The following NPAS3 variants were observed in gnomAD, a reference collection of about 807,000 sequenced individuals.
NPAS3 encodes the protein neuronal PAS domain protein 3.
In NPAS3, 14 loss-of-function variants were observed where a neutral mutation model predicts 73.1. The ratio of observed to expected loss-of-function variants is 0.19; its 90% CI spans 0.13 to 0.30. The LOEUF (loss-of-function observed/expected upper bound fraction) is 0.30, where lower values mean the gene tolerates loss of function less well. Ranked by LOEUF, NPAS3 falls within the 10% of genes least tolerant of loss-of-function variation. NPAS3 has a pLI of 1.00. For synonymous variants in NPAS3, 620 were observed against 541.5 expected (o/e 1.14, Z -2.01); for missense variants, 1,096 against 1,250.0 (o/e 0.88, Z 1.86).
rs1414765885 is a variant in NPAS3, at chr14:33,544,804, A to G, written c.469-15317A>G. Among the ~76,000 whole-genome samples the G allele has an allele frequency of 8.9e-5, 7 of 78,736 alleles. 1 individual carries two copies. The South Asian group carries it at 2.4e-3, about 27-fold the overall frequency. The allele number at this position is 78,736 out of a possible 152,430, so 51.7% of individuals were successfully genotyped here. The stretch of plus-strand genomic sequence containing the variant: ...GTGTGTGTATTATATATATATATAT[A>G]TATATATGTATATATAATATATATG... On this transcript the variant is annotated intron_variant, in intron 4 of 11. Coordinates refer to ENST00000356141, the Ensembl canonical transcript of NPAS3.
intron 2 of NPAS3, among the ~76,000 whole-genome samples, chr14:33,130,512 A>G (rs1414581319): frequency 6.6e-6 from 1 of 152,200 alleles, no homozygotes; most frequent in Non-Finnish European, 1.5e-5. Flanking sequence ...TTTCTATGAC[A>G]TCTGAGATTC....
chr14:33,591,517 A>G (rs78678431), intron 5 of NPAS3, among the ~76,000 whole-genome samples: 1,828 of 152,196 alleles, frequency 0.012, 42 homozygotes, highest in African/African-American at 0.042. Context: ...CTACCATCCA[A>G]CCCCTAAAGT....
chr14:33,098,994 G>T (rs1363079906), intron 2 of NPAS3, among the ~76,000 whole-genome samples: 2 of 152,216 alleles, frequency 1.3e-5, no homozygotes, highest in East Asian at 1.9e-4. Flanking sequence ...GCCAATCCTT[G>T]TATCCGTGGA....
chr14:33,224,984 G>A (rs1257186044), intron 3 of NPAS3, among the ~76,000 whole-genome samples: 1 of 152,078 alleles, frequency 6.6e-6, no homozygotes, highest in East Asian at 1.9e-4. Flanking sequence ...AAAATCACTA[G>A]AATTCACTCT....
chr14:33,403,225 A>G (rs1470492902), intron 4 of NPAS3, among the ~76,000 whole-genome samples: 2 of 152,124 alleles, frequency 1.3e-5, no homozygotes, highest in Admixed American at 1.3e-4. Context: ...AAGAAAATGA[A>G]CTAGAAGAAA....
At position 33,135,676 on chromosome 14, in the gene NPAS3, TA is replaced by T. The variant is rs549062083; in HGVS notation, c.141-79498del. On this transcript the variant is annotated intron_variant, in intron 2 of 11. Transcript: ENST00000356141. ...GCAGTCTGAATTTTTCAGTGGGGGT[TA>T]AAAAAAACAATTTCCCTCTTGACTC... 3.4e-3 allele frequency among the ~76,000 whole-genome samples: 518 copies of T among 151,708 alleles called. 2 individuals carry two copies. The highest frequency in any genetic ancestry group is 0.012 in the African/African-American group (499 of 41,382).
rs71406561 is a variant in NPAS3 at position 33,544,788 on chromosome 14, T to TTATA, written c.469-15313_469-15310dup. 1.9e-3 allele frequency among the ~76,000 whole-genome samples: 123 copies of TTATA among 63,250 alleles called. 12 individuals are homozygous for TTATA. Among genetic ancestry groups the TTATA allele is most frequent in the South Asian group, 6.6e-3 (15 of 2,278 alleles). The allele number at this position is 63,250 out of a possible 152,430, so 41.5% of individuals were successfully genotyped here. A position where few individuals can be genotyped will look rare whatever the true frequency, so the allele number is the denominator to read the frequency against. ...GCATGTATGTGTTTATGTGTGTGTA[T>TTATA]TATATATATATATATATATATATGT... is the stretch of plus-strand genomic sequence containing the variant. On this transcript the variant is annotated intron_variant, in intron 4 of 11. Coordinates refer to ENST00000356141, the Ensembl canonical transcript of NPAS3.
At chr14:33,290,227 T>C (rs1257854440) in intron 3 of NPAS3, among the ~76,000 whole-genome samples, 1 of 152,176 alleles carries the variant, frequency 6.6e-6, no homozygotes, top group South Asian at 2.1e-4. Context: ...AGATTATCAA[T>C]ATAAACCAAA....
At chr14:33,230,012 C>T (rs1421986870) in intron 3 of NPAS3, among the ~76,000 whole-genome samples, 2 of 152,300 alleles carry the variant, frequency 1.3e-5, no homozygotes, top group East Asian at 3.9e-4. Flanking sequence ...AGATGAAATT[C>T]TTCATTTTCA....
At chr14:33,117,373 G>A (rs1387380843) in intron 2 of NPAS3, among the ~76,000 whole-genome samples, 1 of 152,030 alleles carries the variant, frequency 6.6e-6, no homozygotes, top group Non-Finnish European at 1.5e-5. Context: ...CATACCTGAG[G>A]ACTCTGCCTC....
intron 3 of NPAS3, among the ~76,000 whole-genome samples, chr14:33,233,709 G>C (rs2047933464): frequency 6.6e-6 from 1 of 152,066 alleles, no homozygotes; most frequent in Admixed American, 6.6e-5. Flanking sequence ...ATGGGAATTA[G>C]CAGTTGTAGA....
At position 33,504,902 on chromosome 14, in the gene NPAS3, G is replaced by A. The variant is rs150191613; in HGVS notation, c.469-55219G>A. Among the ~76,000 whole-genome samples, 11 of 152,080 alleles carry A rather than the reference G, an allele frequency of 7.2e-5. No individual in the cohort carries two copies. In the East Asian group the frequency reaches 7.8e-4, roughly 11 times the overall value. ...GACTTGGAAGACAGCTGAGAACTAC[G>A]GAGACAGATAGGAATTAGGCAAAAG... On this transcript the variant is annotated intron_variant, in intron 4 of 11. Transcript: ENST00000356141.
chr14:33,537,145 C>G (rs540672753), intron 4 of NPAS3, among the ~76,000 whole-genome samples: 133 of 152,204 alleles, frequency 8.7e-4, no homozygotes, highest in African/African-American at 3.0e-3. Context: ...GACAATGTTC[C>G]TGGAAGGAAA....
chr14:33,372,270 G>A (rs1357445076), intron 4 of NPAS3, among the ~76,000 whole-genome samples: 1 of 152,146 alleles, frequency 6.6e-6, no homozygotes, highest in Non-Finnish European at 1.5e-5. Flanking sequence ...GAGGATTTGA[G>A]AGTAAGGGGT....
At chr14:33,340,376 T>G (rs2044417516) in intron 3 of NPAS3, among the ~76,000 whole-genome samples, 2 of 152,140 alleles carry the variant, frequency 1.3e-5, no homozygotes, top group South Asian at 4.1e-4. Flanking sequence ...GCGCCTGTAA[T>G]CCCAACTACC....
At chr14:33,254,747 A>G (rs1408244901) in intron 3 of NPAS3, among the ~76,000 whole-genome samples, 1 of 152,218 alleles carries the variant, frequency 6.6e-6, no homozygotes, top group African/African-American at 2.4e-5. Context: ...AGCAGACTAC[A>G]GAATCAGTCA....
chr14:33,676,934 A>G (rs1007009403), intron 6 of NPAS3, among the ~76,000 whole-genome samples: 8 of 152,212 alleles, frequency 5.3e-5, no homozygotes, highest in South Asian at 4.1e-4. Flanking sequence ...AATTAGATCA[A>G]TTGTATAGAG....
chr14:33,197,654 T>C (rs1594367146), intron 2 of NPAS3, among the ~76,000 whole-genome samples: 1 of 152,190 alleles, frequency 6.6e-6, no homozygotes, highest in African/African-American at 2.4e-5. Flanking sequence ...AGGAAAACAA[T>C]GGTTCCAAAA....
intron 6 of NPAS3, among the ~76,000 whole-genome samples, chr14:33,712,272 A>T (rs2060839787): frequency 6.6e-6 from 1 of 152,166 alleles, no homozygotes; most frequent in South Asian, 2.1e-4. Context: ...AGGTGAAGCA[A>T]AACACCCCCC....
Sources: allele counts gnomAD v4.1 joint callset (sites outside exome capture counted in the v4.1 genomes callset), GRCh38; gene constraint gnomAD v4.1.1; transcripts MANE v1.5; gene names NCBI Gene and HGNC (gene_info 2026-07-23, HGNC 2026-07-21).